NAALADL2: variants seen among roughly 807,000 people sequenced by gnomAD.
The protein encoded by NAALADL2 is N-acetylated alpha-linked acidic dipeptidase like 2.
NAALADL2 carries 76 observed loss-of-function variants against 87.2 expected under a neutral mutation model. The ratio of observed to expected loss-of-function variants is 0.87; its 90% CI spans 0.72 to 1.05. The LOEUF (loss-of-function observed/expected upper bound fraction) is 1.05. Among genes scored for constraint, NAALADL2 ranks in the 50% least tolerant of loss-of-function variants. The pLI is 0.00. For synonymous variants in NAALADL2, 354 were observed against 331.0 expected, an observed-to-expected ratio of 1.07 and a Z score of -0.75; for missense variants, 1,089 against 945.8, an observed-to-expected ratio of 1.15 and a Z score of -1.99.
At chr3:174,765,039 G>A (rs764976267) in intron 3 of NAALADL2, among the ~76,000 whole-genome samples, 1 of 151,278 alleles carries the variant, frequency 6.6e-6, no homozygotes, top group Non-Finnish European at 1.5e-5. Context: ...ATAATACAAA[G>A]AGACACTAAA....
chr3:175,169,850 T>C (rs1264792311), intron 2 of NAALADL2, among the ~76,000 whole-genome samples: 1 of 151,864 alleles, frequency 6.6e-6, no homozygotes, highest in Admixed American at 6.6e-5. Flanking sequence ...AAGTTTCTGA[T>C]ATAGCTTGCA....
chr3:174,954,570 G>A (rs1740888352), intron 1 of NAALADL2, among the ~76,000 whole-genome samples: 1 of 152,106 alleles, frequency 6.6e-6, no homozygotes, highest in Non-Finnish European at 1.5e-5. Context: ...TATATTGTAT[G>A]TGTTTACAGT....
chr3:174,983,114 C>T (rs1342247188), intron 1 of NAALADL2, among the ~76,000 whole-genome samples: 1 of 152,124 alleles, frequency 6.6e-6, no homozygotes, highest in Non-Finnish European at 1.5e-5. Flanking sequence ...ACTTTTATTA[C>T]TCCTAGTTTC....
intron 1 of NAALADL2, among the ~76,000 whole-genome samples, chr3:174,881,920 A>G (rs1254669350): frequency 2.6e-5 from 4 of 152,132 alleles, no homozygotes; most frequent in Non-Finnish European, 4.4e-5. Context: ...CAGATGTTTC[A>G]GATTTGGGGA....
chr3:174,817,644 A>T (rs1720951611), intron 3 of NAALADL2, among the ~76,000 whole-genome samples: 1 of 152,184 alleles, frequency 6.6e-6, no homozygotes, highest in Non-Finnish European at 1.5e-5. Context: ...GCTCTTTAAA[A>T]TAAAAATTGG....
intron 5 of NAALADL2, among the ~76,000 whole-genome samples, chr3:175,334,499 A>T (rs1004190341): frequency 6.6e-6 from 1 of 152,018 alleles, no homozygotes; most frequent in African/African-American, 2.4e-5. Context: ...TAAGAAATCT[A>T]TCTTATTTAT....
At chr3:175,634,901 T>C (rs9849321) in intron 11 of NAALADL2, among the ~76,000 whole-genome samples, 2,991 of 152,126 alleles carry the variant, frequency 0.02, 80 homozygotes, top group African/African-American at 0.066. Context: ...CTCTTAGTTT[T>C]CATGACATGA....
chr3:174,558,763 T>C (rs991447203), intron 2 of NAALADL2, among the ~76,000 whole-genome samples: 1 of 152,110 alleles, frequency 6.6e-6, no homozygotes, highest in East Asian at 1.9e-4. Context: ...TCCTGGTCCA[T>C]GGCCTGAGGG....
At chr3:175,266,346 A>C in intron 4 of NAALADL2, among the ~76,000 whole-genome samples, 1 of 149,306 alleles carries the variant, frequency 6.7e-6, no homozygotes, top group Admixed American at 6.6e-5. Context: ...ATTTTAAATC[A>C]ATTTTTTATT....
At chr3:175,524,142 G>A (rs1291702860) in intron 9 of NAALADL2, among the ~76,000 whole-genome samples, 1 of 152,174 alleles carries the variant, frequency 6.6e-6, no homozygotes, top group Non-Finnish European at 1.5e-5. Context: ...GAAAATCTAC[G>A]ATTTTAGGAA....
At chr3:175,074,480 T>A (rs1273100913) in intron 1 of NAALADL2, among the ~76,000 whole-genome samples, 4 of 152,050 alleles carry the variant, frequency 2.6e-5, no homozygotes, top group Non-Finnish European at 5.9e-5. Flanking sequence ...CAATTTAAAT[T>A]GTTGTTATTG....
intron 5 of NAALADL2, among the ~76,000 whole-genome samples, chr3:175,356,346 G>T (rs1267680501): frequency 2.0e-5 from 3 of 152,050 alleles, no homozygotes; most frequent in Non-Finnish European, 4.4e-5. Context: ...ACTTTGGGAG[G>T]CCAAGGTGGG....
chr3:175,244,779 C>T (rs1747645528), intron 3 of NAALADL2, among the ~76,000 whole-genome samples: 1 of 152,152 alleles, frequency 6.6e-6, no homozygotes, highest in Non-Finnish European at 1.5e-5. Flanking sequence ...TCCTTAGCAA[C>T]GTCTTCCCTG....
chr3:175,521,540 T>C (rs980195869), intron 9 of NAALADL2, among the ~76,000 whole-genome samples: 5 of 152,138 alleles, frequency 3.3e-5, no homozygotes, highest in Non-Finnish European at 7.3e-5. Context: ...TACTGATGGA[T>C]GTTACTTTAT....
At chr3:174,769,011 G>C (rs950597707) in intron 3 of NAALADL2, among the ~76,000 whole-genome samples, 3 of 151,728 alleles carry the variant, frequency 2.0e-5, no homozygotes, top group African/African-American at 7.2e-5. Context: ...AGGTTGAATG[G>C]TTAACATTGA....
chr3:174,736,544 A>C (rs1254809556), intron 2 of NAALADL2, among the ~76,000 whole-genome samples: 1 of 152,030 alleles, frequency 6.6e-6, no homozygotes, highest in Non-Finnish European at 1.5e-5. Flanking sequence ...TTCAGCAGAG[A>C]GGAGACCCTG....
intron 4 of NAALADL2, among the ~76,000 whole-genome samples, chr3:175,264,963 A>T (rs1156344928): frequency 6.6e-6 from 1 of 151,722 alleles, no homozygotes; most frequent in African/African-American, 2.4e-5. Flanking sequence ...TACATCATAA[A>T]GTTGTGAAAA....
chr3:174,553,622 T>C (rs1712410645), intron 2 of NAALADL2, among the ~76,000 whole-genome samples: 1 of 152,188 alleles, frequency 6.6e-6, no homozygotes, highest in Non-Finnish European at 1.5e-5. Flanking sequence ...TTAGATTTAA[T>C]GAGTTATAAT....
In NAALADL2 at chr3:175,056,891, C is replaced by T. The variant is rs569091972; in HGVS notation, c.44-39899C>T. Among the ~76,000 whole-genome samples the T allele has an allele frequency of 1.4e-4, 21 of 152,292 alleles. No individual in the cohort carries two copies. The South Asian group carries it at 1.4e-3, about 11-fold the overall frequency. On this transcript the variant is annotated intron_variant, in intron 1 of 13. Coordinates refer to ENST00000454872, the MANE Select transcript of NAALADL2 (RefSeq NM_207015.3). ...GGCCAGGTGTTCCTTGCCCTCATTCCGGTAAACCCACAACCTTCCAATGTG... is the reference window on the plus strand; with the variant it reads ...GGCCAGGTGTTCCTTGCCCTCATTCTGGTAAACCCACAACCTTCCAATGTG...
Sources: allele counts gnomAD v4.1 joint callset (sites outside exome capture counted in the v4.1 genomes callset), GRCh38; gene constraint gnomAD v4.1.1; transcripts MANE v1.5; gene names NCBI Gene and HGNC (gene_info 2026-07-23, HGNC 2026-07-21).